The following ESR1 variants were observed in gnomAD, a reference collection of about 807,000 sequenced individuals.
The protein encoded by ESR1 is estrogen receptor.
Under a neutral mutation model 52.7 loss-of-function variants are expected in ESR1, and 12 were observed. The ratio of observed to expected loss-of-function variants is 0.23; its 90% confidence interval spans 0.15 to 0.37. The LOEUF is 0.37. ESR1 is among the 10% of genes least tolerant of loss of function. The pLI, the probability that ESR1 is intolerant of heterozygous loss-of-function variation, is 1.00. For missense variants in ESR1, 584 were observed against 779.7 expected, an observed-to-expected ratio of 0.75 and a Z score of 2.99; for synonymous variants, 305 against 316.8, an observed-to-expected ratio of 0.96 and a Z score of 0.39.
chr6:152,014,939 T>C (rs1039862578), intron 5 of ESR1, among the ~76,000 whole-genome samples: 1 of 152,002 alleles, frequency 6.6e-6, no homozygotes, highest in Non-Finnish European at 1.5e-5. Flanking sequence ...TGGTGGCTCA[T>C]GCCTGTAATC....
At chr6:151,788,407 A>G (rs923817076) in intron 2 of ESR1, among the ~76,000 whole-genome samples, 2 of 152,244 alleles carry the variant, frequency 1.3e-5, no homozygotes, top group African/African-American at 4.8e-5. Context: ...ATGAGATACC[A>G]TCTCACACCA....
At chr6:152,025,255 T>C (rs1486940183) in intron 5 of ESR1, among the ~76,000 whole-genome samples, 1 of 151,272 alleles carries the variant, frequency 6.6e-6, no homozygotes, top group Non-Finnish European at 1.5e-5. Context: ...AAAAATAGTT[T>C]GGAAGTTTTT....
At chr6:152,107,371 T>A (rs1200568586), downstream of ESR1, among the ~76,000 whole-genome samples, 1 of 152,244 alleles carries the variant, frequency 6.6e-6, no homozygotes, top group Non-Finnish European at 1.5e-5. Context: ...TTCTTCTGCC[T>A]TCTTGAATCT....
At chr6:152,047,795 A>G (rs2046340026) in intron 5 of ESR1, among the ~76,000 whole-genome samples, 2 of 152,038 alleles carry the variant, frequency 1.3e-5, no homozygotes, top group African/African-American at 2.4e-5. Context: ...TCCTCTCTGA[A>G]AACTGCTCTG....
At chr6:152,029,361 C>T (rs1046037656) in intron 5 of ESR1, among the ~76,000 whole-genome samples, 2 of 152,110 alleles carry the variant, frequency 1.3e-5, no homozygotes, top group South Asian at 2.1e-4. Flanking sequence ...GGAGGAAGTT[C>T]GAACCCACGG....
intron 2 of ESR1, among the ~76,000 whole-genome samples, chr6:151,781,517 A>C (rs2128122127): frequency 6.6e-6 from 1 of 152,346 alleles, no homozygotes; most frequent in East Asian, 1.9e-4. Flanking sequence ...ATAGCACTGA[A>C]GTTATACAAC....
At chr6:151,884,476 A>G (rs999532274) in intron 3 of ESR1, among the ~76,000 whole-genome samples, 3 of 152,238 alleles carry the variant, frequency 2.0e-5, no homozygotes, top group African/African-American at 4.8e-5. Context: ...TAGGATATTG[A>G]AACTCTACCT....
chr6:152,071,715 CTA>C (rs1301246757), intron 6 of ESR1, among the ~76,000 whole-genome samples: 1 of 152,122 alleles, frequency 6.6e-6, no homozygotes, highest in Non-Finnish European at 1.5e-5. Context: ...TTTTAAATAA[CTA>C]TATAATCAGT....
intron 5 of ESR1, among the ~76,000 whole-genome samples, chr6:152,044,158 C>T (rs1323852676): frequency 6.6e-6 from 1 of 152,166 alleles, no homozygotes; most frequent in Non-Finnish European, 1.5e-5. Flanking sequence ...TCACTAAACT[C>T]CTTGCCTCTC....
chr6:151,728,648 A>G (rs1204855619), intron 2 of ESR1, among the ~76,000 whole-genome samples: 1 of 152,194 alleles, frequency 6.6e-6, no homozygotes, highest in East Asian at 1.9e-4. Flanking sequence ...TACCACAATA[A>G]CATAAGGAAC....
chr6:151,827,612 G>A (rs184059340), intron 1 of ESR1, among the ~76,000 whole-genome samples: 5 of 152,040 alleles, frequency 3.3e-5, no homozygotes, highest in South Asian at 4.2e-4. Context: ...AAATATTTCC[G>A]TCTACACTTC....
Position 151,727,945 on chromosome 6 carries a change from TA to T in ESR1, c.-71+25943del, listed in dbSNP as rs1781964074. Among the ~76,000 whole-genome samples the T allele has an allele frequency of 5.3e-5, 8 of 152,338 alleles. No homozygotes were observed. In the South Asian group the frequency reaches 1.7e-3, roughly 32 times the overall value. On this transcript the variant is annotated intron_variant, in intron 2 of 2. Coordinates refer to the ESR1 transcript ENST00000404742. ...GAGTCAGTTAAACCTCTTTTCTTTA[TA>T]AATTACCCAGTCTCAGGCAGTTCTT...
intron 2 of ESR1, among the ~76,000 whole-genome samples, chr6:151,868,208 A>G (rs1235835354): frequency 4.0e-5 from 6 of 151,658 alleles, no homozygotes; most frequent in Admixed American, 3.9e-4. Flanking sequence ...GCTCAATGCA[A>G]CCTCCGCCTC....
chr6:151,761,898 G>A (rs1784686474), intron 2 of ESR1, among the ~76,000 whole-genome samples: 1 of 152,230 alleles, frequency 6.6e-6, no homozygotes. Context: ...CCAGGAGGGA[G>A]TGCAATAATT....
chr6:151,833,383 T>A (rs1782761334), intron 1 of ESR1, among the ~76,000 whole-genome samples: 1 of 152,160 alleles, frequency 6.6e-6, no homozygotes, highest in Non-Finnish European at 1.5e-5. Flanking sequence ...AAGCTAAAGC[T>A]ATTTTTCTGG....
At chr6:152,043,931 G>T (rs13362705) in intron 5 of ESR1, among the ~76,000 whole-genome samples, 47 of 152,204 alleles carry the variant, frequency 3.1e-4, no homozygotes, top group African/African-American at 1.1e-3. Flanking sequence ...CTGATTTTCC[G>T]CAATTTCAGC....
chr6:151,865,532 C>G (rs544110004), intron 2 of ESR1, among the ~76,000 whole-genome samples: 3 of 152,146 alleles, frequency 2.0e-5, no homozygotes, highest in South Asian at 2.1e-4. Context: ...GGCCCATATT[C>G]CTGCAATTTA....
chr6:151,906,645 G>A (rs983761059), intron 3 of ESR1, among the ~76,000 whole-genome samples: 1 of 149,622 alleles, frequency 6.7e-6, no homozygotes, highest in Non-Finnish European at 1.5e-5. Flanking sequence ...ATCTTTTACA[G>A]ATATTTATAT....
chr6:151,831,571 C>G (rs1016902124), intron 1 of ESR1, among the ~76,000 whole-genome samples: 1 of 152,140 alleles, frequency 6.6e-6, no homozygotes, highest in Non-Finnish European at 1.5e-5. Flanking sequence ...TCCCAAGGAT[C>G]CTGCTCTCTT....
Sources: gnomAD v4.1 joint callset for allele counts (sites outside exome capture counted in the v4.1 genomes callset) on GRCh38, gnomAD v4.1.1 for gene constraint, MANE v1.5 for transcripts, NCBI Gene and HGNC (gene_info 2026-07-23, HGNC 2026-07-21) for gene names.